Variants in AGAP4 observed in about 807,000 individuals in gnomAD.
The protein encoded by AGAP4 is ArfGAP with GTPase domain, ankyrin repeat and PH domain 4, also known as arf-GAP with GTPase, ANK repeat and PH domain-containing protein 4.
In AGAP4, 13 loss-of-function variants were observed where a neutral mutation model predicts 60.7. The observed-to-expected ratio is 0.21, with a 90% confidence interval of 0.14 to 0.34. The LOEUF is 0.34. Ranked by LOEUF, AGAP4 falls within the 10% of genes least tolerant of loss-of-function variation. AGAP4 has a pLI of 1.00. For missense variants in AGAP4, 169 were observed against 884.0 expected, an observed-to-expected ratio of 0.19 and a Z score of 10.26; for synonymous variants, 70 against 339.0, an observed-to-expected ratio of 0.21 and a Z score of 8.72.
intron 3 of AGAP4, 84 bp from the exon 4 acceptor site, chr10:45,841,771 C>T (rs1347301367): frequency 8.7e-6 from 9 of 1,031,434 alleles, no homozygotes; most frequent in South Asian, 1.8e-5. Flanking sequence ...ACTGATTACT[C>T]CTATGAAAAA....
chr10:45,843,769 G>C (rs2058957213), intron 3 of AGAP4, among the ~76,000 whole-genome samples: 1 of 146,762 alleles, frequency 6.8e-6, no homozygotes, highest in South Asian at 2.2e-4. Flanking sequence ...GCAGGAGTAA[G>C]GCATGTTTAA....
chr10:45,827,254 G>A lies in AGAP4; in HGVS notation c.722C>T (p.Thr241Ile). 1 of 1,565,762 alleles carries A rather than the reference G, an allele frequency of 6.4e-7. No individual in the cohort carries two copies. The highest frequency in any genetic ancestry group is 2.3e-5 in the East Asian group (1 of 43,970). The change falls in exon 8 of 8, where the codon ACC becomes ATC. Residue 241 changes from threonine (T) to isoleucine (I), a missense_variant. Physicochemically the swap from Thr to Ile is moderately conservative, Grantham distance 89 (BLOSUM62 -1). Coordinates refer to ENST00000616763, the MANE Select transcript of AGAP4 (RefSeq NM_001276343.3). The stretch of plus-strand genomic sequence containing the variant: ...GCGCATGGACCGCTTGCAAACGGGG[G>A]TGGGTGTGTTGGCAGTGGGAGGAAC... ...FSVPPTANTP[T>I]PVCKRSMRWS... is the part of the protein sequence containing the mutation.
rs2135929145 is a variant in AGAP4, at chr10:45,831,386, A to C, written c.533+8T>G. ...TAGAATAACAAGACAGGTTTCTAAA[A>C]AGCTCACCTTTGTGTGATATGATGA... On this transcript the variant is annotated splice_region_variant and intron_variant, in intron 6 of 7. Transcript: ENST00000616763. 6.3e-7 allele frequency: 1 copy of C among 1,585,006 alleles called. No homozygotes were observed. The highest frequency in any genetic ancestry group is 2.2e-5 in the East Asian group (1 of 44,690).
chr10:45,837,986 A>G (rs1318540148), intron 4 of AGAP4, among the ~76,000 whole-genome samples: 3 of 150,912 alleles, frequency 2.0e-5, no homozygotes, highest in African/African-American at 7.4e-5. Flanking sequence ...TCCAGAATCT[A>G]TGAGGAACTC....
intron 1 of AGAP4, 131 bp downstream of exon 1, chr10:45,846,994 C>T: frequency 1.3e-6 from 2 of 1,596,218 alleles, no homozygotes; most frequent in South Asian, 2.2e-5. Context: ...AGCTTTTGTT[C>T]CTGGCCAGCT....
At position 45,844,343 on chromosome 10, in the gene AGAP4, C is replaced by T; in HGVS notation, c.344G>A (p.Arg115Lys). ...CGTCTCACCATCTGTTTGAGAGTTC[C>T]TCTGGAATATTGTGCTTGCCTCTGG... ...ANPEASTIFQ[R>K]NSQTDVVEIR... is the part of the protein sequence containing the mutation. The change falls in exon 3 of 8, where the codon AGG becomes AAG. Residue 115 changes from arginine (R) to lysine (K), a missense_variant. Transcript: ENST00000616763. 6.3e-7 allele frequency: 1 copy of T among 1,594,172 alleles called. No individual in the cohort carries two copies. The highest frequency in any genetic ancestry group is 1.7e-5 in the Admixed American group (1 of 59,780).
chr10:45,836,221 G>A (rs2135940487), intron 4 of AGAP4, among the ~76,000 whole-genome samples: 1 of 151,102 alleles, frequency 6.6e-6, no homozygotes, highest in Non-Finnish European at 1.5e-5. Flanking sequence ...CTATTCCCAA[G>A]TATTTTATTT....
At chr10:45,830,553 T>C (rs1486804348) in intron 6 of AGAP4, among the ~76,000 whole-genome samples, 9 of 106,562 alleles carry the variant, frequency 8.4e-5, no homozygotes, top group Non-Finnish European at 4.0e-5. Context: ...TGGCACCATC[T>C]CAGCTCTCTG....
upstream of AGAP4, among the ~76,000 whole-genome samples, chr10:45,851,485 TTG>T (rs1174514323): frequency 8.7e-4 from 132 of 151,134 alleles, 2 homozygotes; most frequent in African/African-American, 2.6e-3. Flanking sequence ...GTGATTGGGC[TTG>T]TGTGTGTGTG....
chr10:45,838,751 C>T (rs1400558697), intron 4 of AGAP4, among the ~76,000 whole-genome samples: 2 of 151,436 alleles, frequency 1.3e-5, no homozygotes, highest in African/African-American at 4.9e-5. Context: ...GTTATTTAAC[C>T]TTTTTGTAGA....
chr10:45,849,328 C>G (rs1160728349), upstream of AGAP4, among the ~76,000 whole-genome samples: 3 of 151,728 alleles, frequency 2.0e-5, no homozygotes, highest in Non-Finnish European at 4.4e-5. Flanking sequence ...ATCACCTCCC[C>G]CTAGGCCCCT....
intron 5 of AGAP4, among the ~76,000 whole-genome samples, chr10:45,832,298 C>T (rs2058746437): frequency 6.8e-6 from 1 of 147,522 alleles, no homozygotes; most frequent in Admixed American, 6.8e-5. Flanking sequence ...ACATTTAATT[C>T]AACACTCGTT....
chr10:45,853,915 T>C (rs2059111657), upstream of AGAP4: 1 of 1,185,180 alleles, frequency 8.4e-7, no homozygotes, highest in Non-Finnish European at 1.1e-6. Flanking sequence ...GCAGCAGTAG[T>C]TGTTATCACG....
intron 1 of AGAP4, 150 bp downstream of exon 1, chr10:45,846,975 G>C: frequency 1.3e-6 from 2 of 1,592,074 alleles, no homozygotes; most frequent in South Asian, 2.2e-5. Context: ...GGGAATTCAA[G>C]GCAGAGCCAG....
chr10:45,853,523 C>T lies in AGAP4; in HGVS notation n.221+132G>A, dbSNP rs2059108561. 53 of 1,133,394 alleles carry T rather than the reference C, an allele frequency of 4.7e-5. No individual in the cohort carries two copies. In the South Asian group the frequency reaches 7.8e-4, roughly 17 times the overall value. The allele number at this position is 1,133,394 out of a possible 1,614,324, so 70.2% of individuals were successfully genotyped here. A position where few individuals can be genotyped will look rare whatever the true frequency, so the allele number is the denominator to read the frequency against. On this transcript the variant is annotated intron_variant and non_coding_transcript_variant, in intron 1 of 9. Transcript: ENST00000430779. ...GTGAGGTTTCACAATGACATGTCAG[C>T]CAAATACATATGCTCAGATTTACCA...
At chr10:45,841,904 A>G (rs1206187953) in intron 3 of AGAP4, among the ~76,000 whole-genome samples, 2 of 151,936 alleles carry the variant, frequency 1.3e-5, no homozygotes, top group African/African-American at 2.4e-5. Flanking sequence ...TTTTGTTTCT[A>G]TTACACACAA....
chr10:45,842,395 C>G (rs1393030505), intron 3 of AGAP4, among the ~76,000 whole-genome samples: 2 of 150,454 alleles, frequency 1.3e-5, no homozygotes, highest in Admixed American at 6.6e-5. Flanking sequence ...GCACGTGCCA[C>G]CATGCCTAGC....
At chr10:45,848,007 T>C, upstream of AGAP4, 1 of 1,009,158 alleles carries the variant, frequency 9.9e-7, no homozygotes, top group Non-Finnish European at 1.2e-6. Flanking sequence ...CTCTATGAGT[T>C]CTATACAAAG....
At chr10:45,846,463 A>C (rs1333311066) in intron 2 of AGAP4, among the ~76,000 whole-genome samples, 1 of 151,890 alleles carries the variant, frequency 6.6e-6, no homozygotes, top group Non-Finnish European at 1.5e-5. Flanking sequence ...ATATTTGAAT[A>C]GGAACTGTCT....
Sources: gnomAD v4.1 joint callset for allele counts (sites outside exome capture counted in the v4.1 genomes callset) on GRCh38, gnomAD v4.1.1 for gene constraint, MANE v1.5 for transcripts, NCBI Gene and HGNC (gene_info 2026-07-23, HGNC 2026-07-21) for gene names.